The following FHIT variants were observed in gnomAD, a reference collection of about 807,000 sequenced individuals.
FHIT encodes fragile histidine triad diadenosine triphosphatase, also known as bis(5'-adenosyl)-triphosphatase.
In FHIT, 19 loss-of-function variants were observed where a neutral mutation model predicts 17.9. The observed-to-expected ratio is 1.06, with a 90% CI of 0.74 to 1.56. FHIT has a LOEUF of 1.56. FHIT is among the 40% of genes most tolerant of loss of function. The probability of loss-of-function intolerance (pLI) is 0.00; values close to 1 mark genes in which losing one functional copy is unlikely to be tolerated. For missense variants in FHIT, 248 were observed against 189.2 expected (o/e 1.31, Z -1.82); for synonymous variants, 81 against 69.7 (o/e 1.16, Z -0.81).
At chr3:60,264,807 G>A (rs1706487100) in intron 5 of FHIT, among the ~76,000 whole-genome samples, 1 of 151,760 alleles carries the variant, frequency 6.6e-6, no homozygotes, top group Admixed American at 6.6e-5. Flanking sequence ...AATTTTTAAG[G>A]CAATTGTGAT....
chr3:61,089,314 AACTACC>A (rs2035405113), intron 2 of FHIT, among the ~76,000 whole-genome samples: 1 of 152,216 alleles, frequency 6.6e-6, no homozygotes, highest in Non-Finnish European at 1.5e-5. Context: ...GTTGTGGAAC[AACTACC>A]TGTATCTAGG....
rs1338717362 is a variant in FHIT at position 60,373,729 on chromosome 3, C to T, written c.103+163131G>A. Among the ~76,000 whole-genome samples the T allele has an allele frequency of 3.3e-5, 5 of 152,290 alleles. No individual in the cohort carries two copies. The South Asian group carries it at 8.3e-4, about 25-fold the overall frequency. On this transcript the variant is annotated intron_variant, in intron 5 of 9. Transcript: ENST00000492590. ...TACAATTGAGGAATGCAAGGTGCAACTTCATTAGAAGCCCCTCGGCTTACA... is the reference window on the plus strand; with the variant it reads ...TACAATTGAGGAATGCAAGGTGCAATTTCATTAGAAGCCCCTCGGCTTACA...
chr3:59,795,401 A>G (rs916780704), intron 8 of FHIT, among the ~76,000 whole-genome samples: 7 of 151,588 alleles, frequency 4.6e-5, no homozygotes, highest in African/African-American at 1.2e-4. Flanking sequence ...AAAAAATACC[A>G]TAACATTTTT....
chr3:61,199,055 G>C (rs1196080023), intron 2 of FHIT, among the ~76,000 whole-genome samples: 1 of 152,076 alleles, frequency 6.6e-6, no homozygotes, highest in East Asian at 1.9e-4. Flanking sequence ...GCCAAAAACA[G>C]TATTATCCCC....
intron 3 of FHIT, among the ~76,000 whole-genome samples, chr3:60,888,352 C>A (rs554252361): frequency 6.6e-6 from 1 of 152,292 alleles, no homozygotes; most frequent in Admixed American, 6.5e-5. Context: ...CAAGGGAAAG[C>A]CGCTACACAT....
intron 4 of FHIT, among the ~76,000 whole-genome samples, chr3:60,821,256 C>T (rs559252289): frequency 6.6e-6 from 1 of 152,046 alleles, no homozygotes; most frequent in Admixed American, 6.6e-5. Flanking sequence ...GATTACAGGC[C>T]CTTTGCTGCT....
intron 5 of FHIT, among the ~76,000 whole-genome samples, chr3:60,453,135 G>T (rs988550681): frequency 6.6e-6 from 1 of 151,776 alleles, no homozygotes. Context: ...AACAGAGTTG[G>T]GAATATAATG....
intron 2 of FHIT, among the ~76,000 whole-genome samples, chr3:61,099,190 G>T (rs2035740680): frequency 6.6e-6 from 1 of 152,108 alleles, no homozygotes; most frequent in South Asian, 2.1e-4. Context: ...TGCAGTTTTT[G>T]TCTTTAGTTA....
chr3:60,820,965 G>GGTA (rs1701905285), intron 4 of FHIT, among the ~76,000 whole-genome samples: 1 of 66,094 alleles, frequency 1.5e-5, no homozygotes, highest in South Asian at 6.7e-4. Context: ...CTACTTTCTT[G>GGTA]CTATTATTAT....
At chr3:60,964,751 A>AAT (rs1709633057) in intron 3 of FHIT, among the ~76,000 whole-genome samples, 2 of 151,812 alleles carry the variant, frequency 1.3e-5, no homozygotes, top group Non-Finnish European at 1.5e-5. Flanking sequence ...AAGAATGTTG[A>AAT]ATTGGCCCCC....
intron 3 of FHIT, among the ~76,000 whole-genome samples, chr3:60,829,783 CT>C (rs1456778854): frequency 1.3e-5 from 2 of 150,300 alleles, no homozygotes; most frequent in Non-Finnish European, 3.0e-5. Context: ...CAGAATATGC[CT>C]CCCCACAACA....
chr3:60,776,401 C>A (rs797027288), intron 4 of FHIT, among the ~76,000 whole-genome samples: 3 of 152,164 alleles, frequency 2.0e-5, no homozygotes, highest in African/African-American at 7.2e-5. Flanking sequence ...AAGTCTGGTA[C>A]CTTTCAGTTC....
In FHIT at chr3:60,353,979, T is replaced by A. The variant is rs115364223; in HGVS notation, c.103+182881A>T. ...CTATCTATTCTACTTCTTAGAACTC[T>A]AAGGAAACAAGAAGAGATGGCCAGA... On this transcript the variant is annotated intron_variant, in intron 5 of 9. Coordinates refer to ENST00000492590, the MANE Select transcript of FHIT (RefSeq NM_002012.4). 5.0e-3 allele frequency among the ~76,000 whole-genome samples: 765 copies of A among 152,208 alleles called. 7 individuals are homozygous for A. Among genetic ancestry groups the A allele is most frequent in the African/African-American group, 0.017 (704 of 41,542 alleles).
chr3:60,816,069 C>T (rs1266959890), intron 4 of FHIT, among the ~76,000 whole-genome samples: 7 of 151,908 alleles, frequency 4.6e-5, no homozygotes, highest in Non-Finnish European at 8.8e-5. Context: ...AGAAATGCTA[C>T]TGATTTCTGT....
intron 5 of FHIT, among the ~76,000 whole-genome samples, chr3:60,522,207 T>G (rs2035398785): frequency 6.7e-6 from 1 of 148,748 alleles, no homozygotes; most frequent in Non-Finnish European, 1.5e-5. Flanking sequence ...CCCCCCTGAG[T>G]TCAAGCAATT....
chr3:60,209,208 G>C (rs1315050412), intron 5 of FHIT, among the ~76,000 whole-genome samples: 1 of 152,042 alleles, frequency 6.6e-6, no homozygotes, highest in East Asian at 1.9e-4. Context: ...TAACTATATG[G>C]TGAAACACAA....
At chr3:60,298,078 C>A (rs1040880169) in intron 5 of FHIT, among the ~76,000 whole-genome samples, 1 of 151,862 alleles carries the variant, frequency 6.6e-6, no homozygotes, top group Non-Finnish European at 1.5e-5. Context: ...GGAGTGTAGA[C>A]CTTCCCTCTC....
At chr3:61,208,191 A>C (rs1044848109) in intron 1 of FHIT, among the ~76,000 whole-genome samples, 26 of 152,070 alleles carry the variant, frequency 1.7e-4, no homozygotes, top group Middle Eastern at 3.4e-3. Context: ...AGTTTCTTCT[A>C]ATTTCTGTTC....
At position 60,819,207 on chromosome 3, in the gene FHIT, G is replaced by A. The variant is rs142599891; in HGVS notation, c.-18+2712C>T. Reference sequence around the variant, plus strand: ...CCTCTCCTCAAAATACTTAACCTCCGTCCATTCCCTCATTTAGTGACATTT... The same window carrying A: ...CCTCTCCTCAAAATACTTAACCTCCATCCATTCCCTCATTTAGTGACATTT... On this transcript the variant is annotated intron_variant, in intron 4 of 9. Coordinates refer to ENST00000492590, the MANE Select transcript of FHIT (RefSeq NM_002012.4). Among the ~76,000 whole-genome samples the A allele has an allele frequency of 8.4e-4, 127 of 152,008 alleles. 1 individual carries two copies. The South Asian group carries it at 0.017, about 20-fold the overall frequency.
Sources: allele counts gnomAD v4.1 joint callset (sites outside exome capture counted in the v4.1 genomes callset), GRCh38; gene constraint gnomAD v4.1.1; transcripts MANE v1.5; gene names NCBI Gene and HGNC (gene_info 2026-07-23, HGNC 2026-07-21).